Variants in RPS6KC1 observed in about 807,000 individuals in gnomAD.
RPS6KC1 encodes inactive ribosomal protein S6 kinase delta-1.
A neutral mutation model predicts 103.8 loss-of-function variants in RPS6KC1; 54 were observed. The observed-to-expected ratio is 0.52, with a 90% CI of 0.42 to 0.65. The LOEUF is 0.65. Ranked by LOEUF, RPS6KC1 falls within the 30% of genes least tolerant of loss-of-function variation. The pLI is 0.00. For missense variants in RPS6KC1, 1,151 were observed against 1,253.8 expected (o/e 0.92, Z 1.24); for synonymous variants, 439 against 438.7 (o/e 1.00, Z -0.01).
chr1:213,816,762 A>G, the RPS6KC1 span, among the ~76,000 whole-genome samples: 1 of 152,128 alleles, frequency 6.6e-6, no homozygotes, highest in African/African-American at 2.4e-5. Context: ...CCTGAACTTA[A>G]GTCACTTACA....
chr1:213,710,628 G>T, the RPS6KC1 span, among the ~76,000 whole-genome samples: 9 of 152,054 alleles, frequency 5.9e-5, no homozygotes, highest in Non-Finnish European at 1.0e-4. Flanking sequence ...TTTACATTTT[G>T]GTATGTTTTT....
the RPS6KC1 span, among the ~76,000 whole-genome samples, chr1:213,386,986 A>G: frequency 6.6e-6 from 1 of 152,142 alleles, no homozygotes; most frequent in Non-Finnish European, 1.5e-5. Context: ...CAGCTCTTGC[A>G]TCTTTTTCTC....
chr1:213,209,141 C>G (rs1056578482), intron 8 of RPS6KC1, among the ~76,000 whole-genome samples: 6 of 152,108 alleles, frequency 3.9e-5, no homozygotes, highest in African/African-American at 1.4e-4. Context: ...TGATGTACCC[C>G]TCTACCTGGA....
At chr1:213,210,689 A>G (rs1020675383) in intron 8 of RPS6KC1, among the ~76,000 whole-genome samples, 5 of 152,368 alleles carry the variant, frequency 3.3e-5, no homozygotes, top group African/African-American at 9.6e-5. Context: ...ATAATGTTAA[A>G]TTTTAATCAA....
At chr1:213,785,024 T>C in the RPS6KC1 span, among the ~76,000 whole-genome samples, 3 of 152,188 alleles carry the variant, frequency 2.0e-5, no homozygotes, top group Non-Finnish European at 4.4e-5. Flanking sequence ...AGTTATCAAG[T>C]GCAAAATATT....
At chr1:213,760,658 TG>T in the RPS6KC1 span, among the ~76,000 whole-genome samples, 1 of 152,208 alleles carries the variant, frequency 6.6e-6, no homozygotes, top group Admixed American at 6.5e-5. Context: ...TAATCAGTTT[TG>T]TGGATAATGG....
At chr1:213,732,724 T>C in the RPS6KC1 span, among the ~76,000 whole-genome samples, 1 of 152,168 alleles carries the variant, frequency 6.6e-6, no homozygotes, top group African/African-American at 2.4e-5. Flanking sequence ...AAATACTGGT[T>C]CTGCCACAAG....
the RPS6KC1 span, among the ~76,000 whole-genome samples, chr1:213,729,915 C>T: frequency 3.3e-5 from 5 of 152,074 alleles, no homozygotes; most frequent in Non-Finnish European, 7.4e-5. Flanking sequence ...CGGATCTTCT[C>T]CCTCCTCCTA....
chr1:213,613,333 T>G, the RPS6KC1 span, among the ~76,000 whole-genome samples: 1 of 152,356 alleles, frequency 6.6e-6, no homozygotes, highest in Middle Eastern at 3.4e-3. Context: ...TGCTATTTAC[T>G]ATGAAAAGAA....
chr1:213,312,801 GT>G, the RPS6KC1 span, among the ~76,000 whole-genome samples: 1 of 152,202 alleles, frequency 6.6e-6, no homozygotes, highest in African/African-American at 2.4e-5. Flanking sequence ...TTTTGAGTTA[GT>G]TTTAACATAG....
the RPS6KC1 span, among the ~76,000 whole-genome samples, chr1:213,725,473 C>G: frequency 2.6e-5 from 4 of 152,244 alleles, no homozygotes; most frequent in African/African-American, 7.2e-5. Context: ...TTTGCTTTCT[C>G]AAAGGCATTC....
chr1:213,430,914 T>A, the RPS6KC1 span, among the ~76,000 whole-genome samples: 1 of 152,258 alleles, frequency 6.6e-6, no homozygotes, highest in Non-Finnish European at 1.5e-5. Flanking sequence ...ATGGCAGCAA[T>A]GCCTTTACAA....
At chr1:213,680,332 C>T in the RPS6KC1 span, among the ~76,000 whole-genome samples, 5 of 152,308 alleles carry the variant, frequency 3.3e-5, no homozygotes, top group Middle Eastern at 3.4e-3. Flanking sequence ...GTCGATATCC[C>T]TCTAGTGCTG....
the RPS6KC1 span, among the ~76,000 whole-genome samples, chr1:213,679,253 G>A: frequency 0.38 from 58,409 of 152,124 alleles, 13,596 homozygotes; most frequent in South Asian, 0.69. Context: ...ACATCCTTTT[G>A]CAAAATGGGG....
intron 5 of RPS6KC1, among the ~76,000 whole-genome samples, chr1:213,123,081 G>T (rs2084587711): frequency 6.6e-6 from 1 of 152,126 alleles, no homozygotes. Flanking sequence ...CACAATTACA[G>T]AGTTTGAATT....
the RPS6KC1 span, among the ~76,000 whole-genome samples, chr1:213,660,136 G>A: frequency 6.6e-6 from 1 of 152,210 alleles, no homozygotes; most frequent in East Asian, 1.9e-4. Flanking sequence ...TTGGCTACAG[G>A]AGCCCCTAAA....
the RPS6KC1 span, among the ~76,000 whole-genome samples, chr1:213,860,397 AAG>A: frequency 7.2e-6 from 1 of 138,568 alleles, no homozygotes; most frequent in Admixed American, 7.2e-5. Flanking sequence ...AAAATTGTGT[AAG>A]AGAAACAAAA....
chr1:213,361,961 G>A, the RPS6KC1 span, among the ~76,000 whole-genome samples: 100 of 152,338 alleles, frequency 6.6e-4, no homozygotes, highest in African/African-American at 2.3e-3. Context: ...GTGCACAAGT[G>A]TCTCTCTGTG....
chr1:213,067,786 T>C (rs554058109), intron 1 of RPS6KC1, among the ~76,000 whole-genome samples: 2 of 152,292 alleles, frequency 1.3e-5, no homozygotes, highest in Non-Finnish European at 2.9e-5. Flanking sequence ...TGAGAAATAA[T>C]AATCAAATTG....
Sources: allele counts gnomAD v4.1 joint callset (sites outside exome capture counted in the v4.1 genomes callset), GRCh38; gene constraint gnomAD v4.1.1; transcripts MANE v1.5; gene names NCBI Gene and HGNC (gene_info 2026-07-23, HGNC 2026-07-21).